CASK: variants seen among roughly 807,000 people sequenced by gnomAD.
CASK encodes the protein peripheral plasma membrane protein CASK.
In CASK, 4 loss-of-function variants were observed where a neutral mutation model predicts 82.9. The observed-to-expected ratio is 0.05, with a 90% CI of 0.02 to 0.11. CASK has a LOEUF of 0.11. Among genes scored for constraint, CASK ranks in the 10% least tolerant of loss-of-function variants. CASK has a pLI of 1.00. For synonymous variants in CASK, 259 were observed against 253.5 expected (o/e 1.02, Z -0.20); for missense variants, 358 against 720.9 (o/e 0.50, Z 5.76).
rs1446339333 is a variant in CASK, at chrX:41,784,832, C to T, written c.278+2346G>A. 3.7e-5 allele frequency among the ~76,000 whole-genome samples: 4 copies of T among 109,537 alleles called. No homozygotes were observed. The Admixed American group carries it at 3.9e-4, about 11-fold the overall frequency. ...CGGAGGTTGCAGTGAGCCGAGATTG[C>T]GCCACTGCACTCCAGCCTGGGTGAC... On this transcript the variant is annotated intron_variant, in intron 3 of 26. Transcript: ENST00000378163.
intron 5 of CASK, among the ~76,000 whole-genome samples, 154 bp downstream of exon 5, chrX:41,739,230 A>G (rs762390039): frequency 8.9e-6 from 1 of 112,288 alleles, no homozygotes; most frequent in East Asian, 2.8e-4. Context: ...AATTAGTACA[A>G]TGACTTCCCA....
intron 12 of CASK, among the ~76,000 whole-genome samples, chrX:41,600,226 C>T (rs1284217000): frequency 8.9e-6 from 1 of 111,768 alleles, no homozygotes; most frequent in Admixed American, 9.5e-5. Flanking sequence ...CTTGGTGTAG[C>T]TGTAGCAAAA....
At chrX:41,524,391 G>A in intron 25 of CASK, 1 of 196,860 alleles carries the variant, frequency 5.1e-6, no homozygotes, top group Admixed American at 7.0e-5. Context: ...GCATTTAAGG[G>A]GAGACTTGGA....
At chrX:41,623,385 T>C (rs1397045278) in intron 10 of CASK, among the ~76,000 whole-genome samples, 2 of 112,368 alleles carry the variant, frequency 1.8e-5, no homozygotes, top group African/African-American at 3.2e-5. Flanking sequence ...TAAATATTCA[T>C]ATTTTCCTAA....
intron 20 of CASK, 30 bp downstream of exon 20, chrX:41,555,570 G>C: frequency 8.8e-7 from 1 of 1,132,678 alleles, no homozygotes; most frequent in African/African-American, 1.8e-5. Flanking sequence ...GCTCAGTTTA[G>C]AGAAGTTTCT....
chrX:41,837,023 A>G (rs1443214014), intron 2 of CASK, among the ~76,000 whole-genome samples: 1 of 112,395 alleles, frequency 8.9e-6, no homozygotes, highest in East Asian at 2.8e-4. Context: ...TTGCCTGTAC[A>G]GAACAATTTG....
intron 5 of CASK, among the ~76,000 whole-genome samples, chrX:41,733,831 T>G (rs1035537257): frequency 1.8e-5 from 2 of 111,939 alleles, no homozygotes; most frequent in Non-Finnish European, 3.8e-5. Flanking sequence ...CTATACAACA[T>G]GATAAACTTT....
chrX:41,747,761 A>G (rs1244488664), intron 3 of CASK, among the ~76,000 whole-genome samples: 1 of 112,551 alleles, frequency 8.9e-6, no homozygotes, highest in Non-Finnish European at 1.9e-5. Context: ...CTTTTGATAC[A>G]TACACAAGAC....
At chrX:41,618,852 A>C (rs1490733127) in intron 11 of CASK, among the ~76,000 whole-genome samples, 5 of 95,550 alleles carry the variant, frequency 5.2e-5, no homozygotes, top group African/African-American at 2.0e-4. Context: ...TTTGAGACAG[A>C]GTCTCACTCT....
intron 8 of CASK, among the ~76,000 whole-genome samples, chrX:41,650,780 C>T (rs2066853319): frequency 9.1e-6 from 1 of 110,268 alleles, no homozygotes; most frequent in East Asian, 2.8e-4. Context: ...TGCAAGGTAT[C>T]CAGGTGTTTT....
At chrX:41,686,477 C>G (rs1198613754) in intron 5 of CASK, among the ~76,000 whole-genome samples, 2 of 108,434 alleles carry the variant, frequency 1.8e-5, no homozygotes, top group Admixed American at 2.0e-4. Flanking sequence ...GGCTCAAGTG[C>G]TCCTCCCATC....
intron 2 of CASK, among the ~76,000 whole-genome samples, chrX:41,791,707 AG>A (rs1303078870): frequency 5.6e-5 from 6 of 107,841 alleles, no homozygotes; most frequent in African/African-American, 2.0e-4. Flanking sequence ...AGGGCAACAA[AG>A]GGAGACTCCA....
At chrX:41,816,679 C>T (rs1488536053) in intron 2 of CASK, among the ~76,000 whole-genome samples, 3 of 109,065 alleles carry the variant, frequency 2.8e-5, no homozygotes. Context: ...AGAAAGGTAA[C>T]ATCACTAAAG....
intron 5 of CASK, among the ~76,000 whole-genome samples, chrX:41,733,122 G>A (rs2068430213): frequency 9.9e-6 from 1 of 101,384 alleles, no homozygotes; most frequent in Admixed American, 1.1e-4. Flanking sequence ...GTTGCAGTGA[G>A]CTGAGACCGT....
At chrX:41,704,322 T>C (rs916595289) in intron 5 of CASK, among the ~76,000 whole-genome samples, 11 of 112,179 alleles carry the variant, frequency 9.8e-5, no homozygotes, top group Non-Finnish European at 1.9e-4. Context: ...AATTATCTTA[T>C]AATTAGATAG....
At chrX:41,685,240 C>T (rs2067422382) in intron 5 of CASK, among the ~76,000 whole-genome samples, 1 of 111,846 alleles carries the variant, frequency 8.9e-6, no homozygotes, top group South Asian at 3.7e-4. Flanking sequence ...AAAACATGTA[C>T]ATAGGTTCTA....
At chrX:41,914,556 C>T (rs1321429880) in intron 1 of CASK, among the ~76,000 whole-genome samples, 1 of 112,460 alleles carries the variant, frequency 8.9e-6, no homozygotes, top group Non-Finnish European at 1.9e-5. Flanking sequence ...GTACTACATT[C>T]ATCCAACGTG....
intron 3 of CASK, among the ~76,000 whole-genome samples, chrX:41,752,084 A>T (rs1374593506): frequency 9.2e-6 from 1 of 108,243 alleles, no homozygotes; most frequent in Non-Finnish European, 1.9e-5. Context: ...AAAACACCCC[A>T]AAAACCTCAA....
intron 15 of CASK, among the ~76,000 whole-genome samples, chrX:41,570,010 CTTTTTTTT>C (rs397937722): frequency 1.4e-5 from 1 of 70,628 alleles, no homozygotes; most frequent in Non-Finnish European, 2.6e-5. Context: ...TTTCTTTTTT[CTTTTTTTT>C]TTTTTTTTTT....
Sources: allele counts gnomAD v4.1 joint callset (sites outside exome capture counted in the v4.1 genomes callset), GRCh38; gene constraint gnomAD v4.1.1; transcripts MANE v1.5; gene names NCBI Gene and HGNC (gene_info 2026-07-23, HGNC 2026-07-21).